The following FGD5 variants were observed in gnomAD, a reference collection of about 807,000 sequenced individuals.
FGD5 encodes FYVE, RhoGEF and PH domain-containing protein 5.
Under a neutral mutation model 133.4 loss-of-function variants are expected in FGD5, and 28 were observed. The ratio of observed to expected loss-of-function variants is 0.21; its 90% CI spans 0.16 to 0.29. The LOEUF (loss-of-function observed/expected upper bound fraction) is 0.29, where lower values mean the gene tolerates loss of function less well. Among genes scored for constraint, FGD5 ranks in the 10% least tolerant of loss-of-function variants. The probability of loss-of-function intolerance (pLI) is 1.00; values close to 1 mark genes in which losing one functional copy is unlikely to be tolerated. For synonymous variants in FGD5, 810 were observed against 776.5 expected (o/e 1.04, Z -0.72); for missense variants, 1,858 against 1,895.2 (o/e 0.98, Z 0.36).
intron 2 of FGD5, among the ~76,000 whole-genome samples, chr3:14,865,353 A>C (rs2037475092): frequency 6.6e-6 from 1 of 152,212 alleles, no homozygotes; most frequent in African/African-American, 2.4e-5. Flanking sequence ...GCATTGGCCA[A>C]ATGGGGATAT....
At chr3:14,849,086 C>G (rs1208843034) in intron 1 of FGD5, among the ~76,000 whole-genome samples, 1 of 152,204 alleles carries the variant, frequency 6.6e-6, no homozygotes, top group African/African-American at 2.4e-5. Flanking sequence ...CATGTGTGCA[C>G]TATCACGTGT....
intron 1 of FGD5, among the ~76,000 whole-genome samples, chr3:14,833,262 G>A (rs2036752624): frequency 1.3e-5 from 2 of 152,124 alleles, no homozygotes; most frequent in South Asian, 4.1e-4. Flanking sequence ...TGATGTGACT[G>A]GTCTCTATGT....
rs529864517 is a variant in FGD5 at position 14,934,216 on chromosome 3, C to G, written c.*1049C>G. 1 of 152,160 alleles carries G rather than the reference C, an allele frequency of 6.6e-6. No homozygotes were observed. Among genetic ancestry groups the G allele is most frequent in the African/African-American group, 2.4e-5 (1 of 41,432 alleles). 9.4% of individuals were successfully genotyped at this position (152,160 alleles called of 1,614,324 possible). A position where few individuals can be genotyped will look rare whatever the true frequency, so the allele number is the denominator to read the frequency against. On this transcript the variant is annotated 3_prime_UTR_variant, in exon 20 of 20. Transcript: ENST00000285046. ...TCTTGGCAGATGGCTCTGGGAACAG[C>G]GAGGGAGCACAGAAGTCGTGGCCTG...
At chr3:14,891,332 G>A (rs1272214401) in intron 4 of FGD5, among the ~76,000 whole-genome samples, 1 of 152,144 alleles carries the variant, frequency 6.6e-6, no homozygotes, top group Non-Finnish European at 1.5e-5. Context: ...TGCACCTGCT[G>A]CCCTACTCAC....
chr3:14,842,946 T>A (rs2036952262), intron 1 of FGD5, among the ~76,000 whole-genome samples: 1 of 152,046 alleles, frequency 6.6e-6, no homozygotes, highest in South Asian at 2.1e-4. Context: ...ATTGCTGCAA[T>A]GAGACCTCTG....
At chr3:14,841,681 G>A (rs1011775810) in intron 1 of FGD5, among the ~76,000 whole-genome samples, 23 of 152,136 alleles carry the variant, frequency 1.5e-4, no homozygotes, top group Admixed American at 3.3e-4. Context: ...ATCGGTGGGG[G>A]CAGGGCTTTG....
Position 14,932,627 on chromosome 3 carries a change from A to G in FGD5, c.4248A>G (p.Pro1416=), listed in dbSNP as rs770309315. Residue 1416 remains proline, a synonymous_variant, in exon 19 of 20, where the codon CCA becomes CCG. Coordinates refer to ENST00000285046, the MANE Select transcript of FGD5 (RefSeq NM_152536.4). ...SMPLLGFTIA[P]EKEEGSSEVG... is the part of the protein sequence containing the mutation. ...CTCTGCTAGGCTTCACCATTGCTCC[A>G]GAAAAGGAAGAGGGCAGCAGTGAAG... is the stretch of plus-strand genomic sequence containing the variant. 1 of 1,614,040 alleles carries G rather than the reference A, an allele frequency of 6.2e-7. No homozygotes were observed. The highest frequency in any genetic ancestry group is 8.5e-7 in the Non-Finnish European group (1 of 1,179,866).
At chr3:14,817,002 T>C (rs2036378985), upstream of FGD5, among the ~76,000 whole-genome samples, 1 of 152,206 alleles carries the variant, frequency 6.6e-6, no homozygotes, top group African/African-American at 2.4e-5. Flanking sequence ...ACCAGCCGCA[T>C]GTGGCTCGTG....
rs1479808400 is a variant in FGD5 at position 14,901,185 on chromosome 3, C to A, written c.3264+124C>A. 4 of 1,030,284 alleles carry A rather than the reference C, an allele frequency of 3.9e-6. No individual in the cohort carries two copies. The African/African-American group carries it at 6.3e-5, about 16-fold the overall frequency. The allele number at this position is 1,030,284 out of a possible 1,614,324, so 63.8% of individuals were successfully genotyped here. On this transcript the variant is annotated intron_variant, in intron 9 of 19. Coordinates refer to ENST00000285046, the MANE Select transcript of FGD5 (RefSeq NM_152536.4). ...AGGCAACCGTCTCTCTTGTGGGACT[C>A]TGCAGAGAGCCGTGGGTTCTGGCTC... is the stretch of plus-strand genomic sequence containing the variant.
At chr3:14,887,616 T>C (rs902448) in intron 4 of FGD5, among the ~76,000 whole-genome samples, 106,068 of 151,808 alleles carry the variant, frequency 0.7, 37,151 homozygotes, top group Non-Finnish European at 0.72. Context: ...CAGGGAGTGA[T>C]GGCAGGGAAA....
intron 7 of FGD5, among the ~76,000 whole-genome samples, chr3:14,899,168 A>T (rs1157566501): frequency 6.6e-6 from 1 of 152,138 alleles, no homozygotes; most frequent in African/African-American, 2.4e-5. Context: ...ATATGAGTGG[A>T]CATTTTCAGC....
chr3:14,899,058 A>G (rs1178013205), intron 7 of FGD5, among the ~76,000 whole-genome samples: 4 of 150,812 alleles, frequency 2.7e-5, no homozygotes, highest in Admixed American at 2.0e-4. Flanking sequence ...AAACACAAAA[A>G]CCCAACGACA....
At chr3:14,921,852 A>G (rs1203988626) in intron 13 of FGD5, 66 bp from the exon 14 acceptor site, 1 of 1,470,492 alleles carries the variant, frequency 6.8e-7, no homozygotes, top group Non-Finnish European at 9.3e-7. Flanking sequence ...AACCTCATCC[A>G]TGCCGAGATG....
At chr3:14,923,460 T>C (rs904083140) in intron 16 of FGD5, 9 of 426,086 alleles carry the variant, frequency 2.1e-5, no homozygotes, top group African/African-American at 1.2e-4. Flanking sequence ...TCCTTTACCA[T>C]AGAGGCCCTC....
chr3:14,894,723 C>T (rs2038100198), intron 4 of FGD5, among the ~76,000 whole-genome samples: 2 of 145,756 alleles, frequency 1.4e-5, no homozygotes, highest in South Asian at 2.1e-4. Context: ...GTTGCCCAGA[C>T]TGGTCTTGAA....
intron 4 of FGD5, among the ~76,000 whole-genome samples, chr3:14,891,627 A>G (rs1174787496): frequency 6.6e-6 from 1 of 152,210 alleles, no homozygotes; most frequent in African/African-American, 2.4e-5. Context: ...TGGGACTGCA[A>G]GCCAGAGTGG....
intron 1 of FGD5, among the ~76,000 whole-genome samples, chr3:14,842,938 T>G (rs1033755339): frequency 1.3e-5 from 2 of 152,146 alleles, no homozygotes; most frequent in Non-Finnish European, 2.9e-5. Flanking sequence ...TAAGATAGAT[T>G]GCTGCAATGA....
intron 1 of FGD5, among the ~76,000 whole-genome samples, chr3:14,859,898 G>C (rs2037364071): frequency 6.6e-6 from 1 of 152,046 alleles, no homozygotes; most frequent in Non-Finnish European, 1.5e-5. Flanking sequence ...CCCAAAAAGG[G>C]AAAGAAACTT....
chr3:14,933,155 G>C lies in FGD5; in HGVS notation c.4377G>C (p.Ala1459=). Reference sequence around the variant, plus strand: ...GGTGGATCGAGGCCATGGAAGATGCGAGTGTGTTATAGCAGTTATCAAGCA... The same window carrying C: ...GGTGGATCGAGGCCATGGAAGATGCCAGTGTGTTATAGCAGTTATCAAGCA... The part of the protein sequence containing the change: ...AQRWIEAMED[A]SVL The change falls in exon 20 of 20, where the codon GCG becomes GCC. Residue 1459 remains alanine, a synonymous_variant. Transcript: ENST00000285046. 6.2e-7 allele frequency: 1 copy of C among 1,613,632 alleles called. No individual in the cohort carries two copies. The highest frequency in any genetic ancestry group is 8.5e-7 in the Non-Finnish European group (1 of 1,179,764).
Sources: gnomAD v4.1 joint callset for allele counts (sites outside exome capture counted in the v4.1 genomes callset) on GRCh38, gnomAD v4.1.1 for gene constraint, MANE v1.5 for transcripts, NCBI Gene and HGNC (gene_info 2026-07-23, HGNC 2026-07-21) for gene names.